Variants in LMX1A observed in about 807,000 individuals in gnomAD.
LMX1A encodes the protein LIM homeobox transcription factor 1 alpha, also known as LIM homeobox transcription factor 1-alpha.
In LMX1A, 15 loss-of-function variants were observed where a neutral mutation model predicts 49.1. The observed-to-expected ratio is 0.31, with a 90% confidence interval of 0.20 to 0.47. The LOEUF is 0.47. Among genes scored for constraint, LMX1A ranks in the 20% least tolerant of loss-of-function variants. The probability of loss-of-function intolerance (pLI) is 1.00; values close to 1 mark genes in which losing one functional copy is unlikely to be tolerated. For synonymous variants in LMX1A, 167 were observed against 185.7 expected (o/e 0.90, Z 0.82); for missense variants, 372 against 475.8 (o/e 0.78, Z 2.03).
rs76307003 is a variant in LMX1A at position 165,355,596 on chromosome 1, A to G, written c.-22-15T>C. 0.018 allele frequency: 28,861 copies of G among 1,598,736 alleles called. 337 individuals are homozygous for G. Among genetic ancestry groups the G allele is most frequent in the Non-Finnish European group, 0.021 (23,969 of 1,168,782 alleles). On this transcript the variant is annotated splice_polypyrimidine_tract_variant and intron_variant, in intron 1 of 8. Coordinates refer to ENST00000342310, the MANE Select transcript of LMX1A (RefSeq NM_177398.4). This position sits in a 1 kb window ranked among gnomAD's most constrained non-coding sequence, Gnocchi z 4.7. Reference sequence around the variant, plus strand: ...GCCGGGAGGACCTGTAGAGGAGAAGAAACGATGCGTCTGACGTCCGTGCCC... The same window carrying G: ...GCCGGGAGGACCTGTAGAGGAGAAGGAACGATGCGTCTGACGTCCGTGCCC...
chr1:165,249,913 A>G (rs568100831), intron 3 of LMX1A, among the ~76,000 whole-genome samples: 2 of 152,316 alleles, frequency 1.3e-5, no homozygotes, highest in South Asian at 4.1e-4. Flanking sequence ...AAAAGGAACA[A>G]GATCATGTCC....
chr1:165,239,194 C>T (rs1471243016), intron 4 of LMX1A, among the ~76,000 whole-genome samples: 1 of 152,178 alleles, frequency 6.6e-6, no homozygotes, highest in Non-Finnish European at 1.5e-5. Flanking sequence ...AGCAACTGCA[C>T]AAATATTAAC....
In LMX1A at chr1:165,210,329, G is replaced by A. The variant is rs533915963; in HGVS notation, c.747+370C>T. Among the ~76,000 whole-genome samples the A allele has an allele frequency of 7.2e-5, 11 of 152,302 alleles. No individual in the cohort carries two copies. In the South Asian group the frequency reaches 1.5e-3, roughly 20 times the overall value. On this transcript the variant is annotated intron_variant, in intron 6 of 8. Coordinates refer to ENST00000342310, the MANE Select transcript of LMX1A (RefSeq NM_177398.4). ...ACTCATTCTACCCTGTCATAAAATT[G>A]TCTTGGACCAGTTATATGCATGCTA...
chr1:165,282,288 C>A (rs1310319775), intron 3 of LMX1A, among the ~76,000 whole-genome samples: 2 of 152,200 alleles, frequency 1.3e-5, no homozygotes, highest in Admixed American at 1.3e-4. Flanking sequence ...CACCCCTCAA[C>A]ATTCTCAAGG....
intron 3 of LMX1A, among the ~76,000 whole-genome samples, chr1:165,262,782 C>A (rs1406494753): frequency 6.6e-6 from 1 of 152,148 alleles, no homozygotes; most frequent in African/African-American, 2.4e-5. Flanking sequence ...TCCATTTCCT[C>A]TACCAGCTAC....
At chr1:165,277,341 G>A (rs1313041723) in intron 3 of LMX1A, among the ~76,000 whole-genome samples, 1 of 152,104 alleles carries the variant, frequency 6.6e-6, no homozygotes, top group Admixed American at 6.5e-5. Context: ...TCTCCACCAG[G>A]GCTCACTACC....
intron 4 of LMX1A, among the ~76,000 whole-genome samples, chr1:165,230,872 G>A (rs1259007435): frequency 3.3e-5 from 5 of 152,082 alleles, no homozygotes; most frequent in African/African-American, 1.2e-4. Context: ...GAGGAGAAAG[G>A]CCCCAGCAGT....
At chr1:165,312,336 A>T (rs1655099923) in intron 3 of LMX1A, among the ~76,000 whole-genome samples, 1 of 152,206 alleles carries the variant, frequency 6.6e-6, no homozygotes. Flanking sequence ...TTGCTCTGAG[A>T]AAATTTCATT....
intron 7 of LMX1A, among the ~76,000 whole-genome samples, chr1:165,206,919 G>A (rs1032679733): frequency 6.6e-6 from 1 of 152,192 alleles, no homozygotes; most frequent in South Asian, 2.1e-4. Flanking sequence ...TTGGCTGCAA[G>A]AGTCAAATTC....
chr1:165,241,922 C>T (rs1451967293), intron 4 of LMX1A, among the ~76,000 whole-genome samples: 1 of 152,116 alleles, frequency 6.6e-6, no homozygotes, highest in Non-Finnish European at 1.5e-5. Flanking sequence ...GAGTGGCAAG[C>T]GAGGCATTTG....
At chr1:165,295,989 T>C (rs1654603684) in intron 3 of LMX1A, among the ~76,000 whole-genome samples, 2 of 152,222 alleles carry the variant, frequency 1.3e-5, no homozygotes, top group South Asian at 4.1e-4. Flanking sequence ...CAGAAAAGGT[T>C]TGTTGGAAAC....
intron 4 of LMX1A, among the ~76,000 whole-genome samples, chr1:165,237,468 C>T (rs919275762): frequency 1.1e-4 from 16 of 152,112 alleles, no homozygotes; most frequent in African/African-American, 3.1e-4. Context: ...CCGCCCGCCT[C>T]GGCCTCCCAA....
intron 4 of LMX1A, among the ~76,000 whole-genome samples, chr1:165,242,114 T>G (rs75390917): frequency 0.04 from 6,110 of 152,304 alleles, 173 homozygotes; most frequent in Non-Finnish European, 0.059. Context: ...AGTGAATTTA[T>G]TCACACAATA....
intron 3 of LMX1A, among the ~76,000 whole-genome samples, chr1:165,303,979 A>G (rs559504995): frequency 2.6e-5 from 4 of 151,688 alleles, no homozygotes; most frequent in Non-Finnish European, 4.4e-5. Context: ...TACACCCTTC[A>G]TCTAAGGTGC....
At chr1:165,244,603 G>C (rs1335030577) in intron 4 of LMX1A, among the ~76,000 whole-genome samples, 2 of 152,132 alleles carry the variant, frequency 1.3e-5, no homozygotes, top group Non-Finnish European at 2.9e-5. Context: ...ATGTGGAGTG[G>C]AGAGCAGAGA....
At chr1:165,305,557 G>A (rs541714515) in intron 3 of LMX1A, among the ~76,000 whole-genome samples, 21 of 152,238 alleles carry the variant, frequency 1.4e-4, no homozygotes, top group Admixed American at 2.0e-4. Flanking sequence ...TGAAGCAGAG[G>A]AGTCCCTACA....
chr1:165,258,573 C>A (rs1653325151), intron 3 of LMX1A, among the ~76,000 whole-genome samples: 1 of 152,134 alleles, frequency 6.6e-6, no homozygotes. Context: ...TCCTGGGGAG[C>A]TATAAGGAGG....
At chr1:165,319,178 C>T (rs1162844037) in intron 3 of LMX1A, among the ~76,000 whole-genome samples, 1 of 152,128 alleles carries the variant, frequency 6.6e-6, no homozygotes, top group African/African-American at 2.4e-5. Flanking sequence ...GACAAGAATG[C>T]TCCATATTAC....
intron 3 of LMX1A, 133 bp from the exon 4 acceptor site, chr1:165,249,773 T>G: frequency 1.5e-6 from 1 of 669,078 alleles, no homozygotes; most frequent in Non-Finnish European, 2.6e-6. Context: ...GTACTTTAAA[T>G]CCAGGTTATT....
Sources: gnomAD v4.1 joint callset for allele counts (sites outside exome capture counted in the v4.1 genomes callset) on GRCh38, gnomAD v4.1.1 for gene constraint, Gnocchi (gnomAD v3.1) non-coding constraint, MANE v1.5 for transcripts, NCBI Gene and HGNC (gene_info 2026-07-23, HGNC 2026-07-21) for gene names.